ZNF804A: variants seen among roughly 807,000 people sequenced by gnomAD.
The protein encoded by ZNF804A is zinc finger protein 804A.
Under a neutral mutation model 16.5 loss-of-function variants are expected in ZNF804A, and 2 were observed. The observed-to-expected ratio is 0.12, with a 90% CI of 0.05 to 0.38. The LOEUF (loss-of-function observed/expected upper bound fraction) is 0.38. Ranked by LOEUF, ZNF804A falls within the 10% of genes least tolerant of loss-of-function variation. The pLI is 0.99. For missense variants in ZNF804A, 1,473 were observed against 1,390.7 expected (o/e 1.06, Z -0.94); for synonymous variants, 534 against 489.6 (o/e 1.09, Z -1.20).
chr2:184,760,865 A>G (rs1056158781), intron 1 of ZNF804A, among the ~76,000 whole-genome samples: 1 of 152,124 alleles, frequency 6.6e-6, no homozygotes, highest in Non-Finnish European at 1.5e-5. Context: ...ACCTCATAAA[A>G]TGTATGAGAC....
At chr2:184,897,351 C>T (rs1176694495) in intron 2 of ZNF804A, among the ~76,000 whole-genome samples, 2 of 151,734 alleles carry the variant, frequency 1.3e-5, no homozygotes, top group Admixed American at 6.6e-5. Context: ...AATTTTTTCC[C>T]CTTTCCATAC....
At position 184,801,090 on chromosome 2, in the gene ZNF804A, G is replaced by A. The variant is rs550843401; in HGVS notation, c.112-65279G>A. ...CTTTTGAAGGGTAAGTTTGCCTGAC[G>A]TAGAACTCTAGGATTCTGTTTGTTT... On this transcript the variant is annotated intron_variant, in intron 1 of 3. Coordinates refer to ENST00000302277, the MANE Select transcript of ZNF804A (RefSeq NM_194250.2). Among the ~76,000 whole-genome samples the A allele has an allele frequency of 3.1e-4, 47 of 152,120 alleles. 1 individual carries two copies. Among genetic ancestry groups the A allele is most frequent in the African/African-American group, 9.9e-4 (41 of 41,508 alleles).
At chr2:184,882,596 C>T (rs1050169277) in intron 2 of ZNF804A, among the ~76,000 whole-genome samples, 1 of 151,782 alleles carries the variant, frequency 6.6e-6, no homozygotes, top group African/African-American at 2.4e-5. Context: ...CACATTCTTA[C>T]AAAATAGTGA....
chr2:184,726,810 T>C (rs1693420092), intron 1 of ZNF804A, among the ~76,000 whole-genome samples: 1 of 151,560 alleles, frequency 6.6e-6, no homozygotes, highest in Admixed American at 6.6e-5. Context: ...TAGGAAAGTA[T>C]ATACCTTGTA....
intron 1 of ZNF804A, among the ~76,000 whole-genome samples, chr2:184,768,603 G>T (rs1694165246): frequency 6.6e-6 from 1 of 151,960 alleles, no homozygotes; most frequent in Non-Finnish European, 1.5e-5. Context: ...CTGAAATACA[G>T]TATTTTTAAG....
At chr2:184,842,436 A>G (rs781061381) in intron 1 of ZNF804A, among the ~76,000 whole-genome samples, 3 of 152,126 alleles carry the variant, frequency 2.0e-5, no homozygotes, top group Non-Finnish European at 4.4e-5. Flanking sequence ...CTAAAAATTC[A>G]CAAAGCTAGA....
intron 1 of ZNF804A, among the ~76,000 whole-genome samples, chr2:184,829,323 GACTT>G (rs2105794656): frequency 6.6e-6 from 1 of 151,890 alleles, no homozygotes; most frequent in Non-Finnish European, 1.5e-5. Flanking sequence ...AATTTTTAAA[GACTT>G]AGTTATCATA....
At chr2:184,627,328 C>G (rs1294289686) in intron 1 of ZNF804A, among the ~76,000 whole-genome samples, 1 of 151,880 alleles carries the variant, frequency 6.6e-6, no homozygotes, top group Non-Finnish European at 1.5e-5. Flanking sequence ...AATACATTGA[C>G]TTATTGCTAC....
At chr2:184,774,110 A>C (rs2105770309) in intron 1 of ZNF804A, among the ~76,000 whole-genome samples, 1 of 152,044 alleles carries the variant, frequency 6.6e-6, no homozygotes, top group Non-Finnish European at 1.5e-5. Flanking sequence ...TATTTTGTGT[A>C]TTTAAAAAAG....
intron 1 of ZNF804A, among the ~76,000 whole-genome samples, chr2:184,864,959 C>A (rs554555535): frequency 6.8e-6 from 1 of 147,616 alleles, no homozygotes; most frequent in Non-Finnish European, 1.5e-5. Flanking sequence ...CAGCTCACTG[C>A]AACCTCTGCC....
intron 2 of ZNF804A, among the ~76,000 whole-genome samples, chr2:184,927,651 T>G (rs977104144): frequency 2.0e-5 from 3 of 152,188 alleles, no homozygotes; most frequent in Non-Finnish European, 2.9e-5. Flanking sequence ...GAAGTCTACC[T>G]GGTGTTCCAT....
intron 1 of ZNF804A, among the ~76,000 whole-genome samples, chr2:184,661,199 G>C (rs1692170722): frequency 6.6e-6 from 1 of 152,146 alleles, no homozygotes; most frequent in Non-Finnish European, 1.5e-5. Context: ...TTTATTAAGT[G>C]AAAAGGAGAG....
intron 1 of ZNF804A, among the ~76,000 whole-genome samples, chr2:184,708,661 C>T (rs1047411313): frequency 6.6e-6 from 1 of 152,060 alleles, no homozygotes; most frequent in Admixed American, 6.6e-5. Flanking sequence ...AATATTAACT[C>T]AAGATGGGAA....
chr2:184,822,354 A>T (rs992766301), intron 1 of ZNF804A, among the ~76,000 whole-genome samples: 2 of 152,120 alleles, frequency 1.3e-5, no homozygotes, highest in African/African-American at 4.8e-5. Flanking sequence ...GTGGGAACTG[A>T]TCTATGAAAA....
chr2:184,884,303 T>A (rs1684854137), intron 2 of ZNF804A, among the ~76,000 whole-genome samples: 1 of 151,846 alleles, frequency 6.6e-6, no homozygotes, highest in Non-Finnish European at 1.5e-5. Context: ...AAGTCAAAGA[T>A]GACACAAATG....
intron 1 of ZNF804A, among the ~76,000 whole-genome samples, chr2:184,687,992 G>A (rs1222383213): frequency 6.6e-6 from 1 of 152,066 alleles, no homozygotes; most frequent in African/African-American, 2.4e-5. Flanking sequence ...GGTGGTGTGT[G>A]CCTGTAGTCC....
At chr2:184,711,675 C>A (rs1208113943) in intron 1 of ZNF804A, among the ~76,000 whole-genome samples, 2 of 151,576 alleles carry the variant, frequency 1.3e-5, no homozygotes, top group Non-Finnish European at 3.0e-5. Flanking sequence ...AGAGAAGCAT[C>A]CAATTTTATT....
At chr2:184,889,093 T>A (rs1302523425) in intron 2 of ZNF804A, among the ~76,000 whole-genome samples, 1 of 152,092 alleles carries the variant, frequency 6.6e-6, no homozygotes, top group African/African-American at 2.4e-5. Context: ...TGTACTTTAG[T>A]TTTTGCAAAA....
chr2:184,883,929 A>G lies in ZNF804A; in HGVS notation c.255+17417A>G, dbSNP rs141886473. Reference sequence around the variant, plus strand: ...CACTCACTCACCACTCCTATTTCACATAGTACTAGAGGTATTTTACTAGCC... The same window carrying G: ...CACTCACTCACCACTCCTATTTCACGTAGTACTAGAGGTATTTTACTAGCC... On this transcript the variant is annotated intron_variant, in intron 2 of 3. Transcript: ENST00000302277. Among the ~76,000 whole-genome samples, 350 of 152,242 alleles carry G rather than the reference A, an allele frequency of 2.3e-3. 1 individual carries two copies. The highest frequency in any genetic ancestry group is 7.7e-3 in the African/African-American group (321 of 41,562).
Sources: allele counts gnomAD v4.1 joint callset (sites outside exome capture counted in the v4.1 genomes callset), GRCh38; gene constraint gnomAD v4.1.1; transcripts MANE v1.5; gene names NCBI Gene and HGNC (gene_info 2026-07-23, HGNC 2026-07-21).